Variants in EFCAB8 observed in about 807,000 individuals in gnomAD.
EFCAB8 encodes the protein EF-hand calcium binding domain 8.
In EFCAB8, 100 loss-of-function variants were observed where a neutral mutation model predicts 116.3. The ratio of observed to expected loss-of-function variants is 0.86; its 90% CI spans 0.73 to 1.02. The LOEUF (loss-of-function observed/expected upper bound fraction) is 1.02, where lower values mean the gene tolerates loss of function less well. Ranked by LOEUF, EFCAB8 falls within the 50% of genes least tolerant of loss-of-function variation. The probability of loss-of-function intolerance (pLI) is 0.00; values close to 1 mark genes in which losing one functional copy is unlikely to be tolerated. For synonymous variants in EFCAB8, 558 were observed against 567.9 expected (o/e 0.98, Z 0.25); for missense variants, 1,320 against 1,416.9 (o/e 0.93, Z 1.10).
chr20:32,900,359 T>TTTTTG (rs547316892), intron 11 of EFCAB8, among the ~76,000 whole-genome samples: 158 of 152,118 alleles, frequency 1.0e-3, no homozygotes, highest in Non-Finnish European at 1.9e-3. Context: ...CCAGTGCCTT[T>TTTTTG]TTTTGTTTTG....
intron 5 of EFCAB8, among the ~76,000 whole-genome samples, chr20:32,881,323 A>G (rs1298730716): frequency 6.6e-6 from 1 of 152,078 alleles, no homozygotes; most frequent in East Asian, 1.9e-4. Flanking sequence ...CAGCCTCCCA[A>G]GTAGCTGGGA....
chr20:32,863,448 C>G (rs1464458523), intron 1 of EFCAB8, among the ~76,000 whole-genome samples: 1 of 152,170 alleles, frequency 6.6e-6, no homozygotes, highest in Admixed American at 6.5e-5. Context: ...TAAGATTCTT[C>G]TACTTCTGTA....
intron 10 of EFCAB8, among the ~76,000 whole-genome samples, chr20:32,897,904 T>C (rs1441477185): frequency 6.6e-6 from 1 of 152,216 alleles, no homozygotes; most frequent in Non-Finnish European, 1.5e-5. Flanking sequence ...CCTTTTCCAT[T>C]CTCGTCACAG....
chr20:32,909,515 G>A (rs888307222), intron 14 of EFCAB8, among the ~76,000 whole-genome samples: 2 of 152,220 alleles, frequency 1.3e-5, no homozygotes, highest in African/African-American at 4.8e-5. Context: ...AGGGCTTCCC[G>A]GAGGGAACAC....
At chr20:32,919,692 T>C (rs1241393415) in intron 19 of EFCAB8, among the ~76,000 whole-genome samples, 1 of 151,812 alleles carries the variant, frequency 6.6e-6, no homozygotes, top group Non-Finnish European at 1.5e-5. Context: ...GGAGACGGGG[T>C]TTCACCATGT....
intron 3 of EFCAB8, among the ~76,000 whole-genome samples, chr20:32,869,254 T>G (rs1389714657): frequency 6.6e-6 from 1 of 152,044 alleles, no homozygotes; most frequent in Non-Finnish European, 1.5e-5. Flanking sequence ...TTTTTTTTTT[T>G]GAGACGGAGT....
At chr20:32,908,457 A>C in intron 14 of EFCAB8, 45 bp downstream of exon 14, 1 of 1,249,262 alleles carries the variant, frequency 8.0e-7, no homozygotes, top group Non-Finnish European at 1.0e-6. Flanking sequence ...CCGCAGGTGG[A>C]GGGCCAGGGT....
chr20:32,902,782 C>T (rs754933633), intron 11 of EFCAB8, among the ~76,000 whole-genome samples: 2 of 152,214 alleles, frequency 1.3e-5, no homozygotes, highest in Non-Finnish European at 2.9e-5. Flanking sequence ...TCAGCCTCAG[C>T]CTCCAAGGCA....
intron 23 of EFCAB8, among the ~76,000 whole-genome samples, chr20:32,944,386 AC>A (rs1197223947): frequency 1.3e-5 from 2 of 151,996 alleles, no homozygotes; most frequent in Non-Finnish European, 2.9e-5. Flanking sequence ...AATCGTTTGA[AC>A]CTGGGAGGCA....
chr20:32,899,510 G>A (rs999450084), intron 11 of EFCAB8, among the ~76,000 whole-genome samples: 1 of 152,106 alleles, frequency 6.6e-6, no homozygotes, highest in South Asian at 2.1e-4. Flanking sequence ...AGTCCTGAGG[G>A]GCCCCCTCCT....
intron 20 of EFCAB8, among the ~76,000 whole-genome samples, chr20:32,923,011 T>C (rs1987522431): frequency 6.6e-6 from 1 of 151,922 alleles, no homozygotes; most frequent in Non-Finnish European, 1.5e-5. Context: ...TGATGAGACC[T>C]CATCTCTACA....
intron 22 of EFCAB8, among the ~76,000 whole-genome samples, chr20:32,939,526 G>A (rs191971832): frequency 4.1e-5 from 6 of 147,322 alleles, no homozygotes; most frequent in African/African-American, 1.3e-4. Context: ...TTTGTGGTCC[G>A]CCTGCCTTGG....
At chr20:32,940,471 A>G (rs890613671) in intron 22 of EFCAB8, among the ~76,000 whole-genome samples, 2 of 149,920 alleles carry the variant, frequency 1.3e-5, no homozygotes, top group Non-Finnish European at 3.0e-5. Context: ...AGCCAAAATT[A>G]TAAGACTTTT....
chr20:32,950,151 G>A (rs1423422015), intron 23 of EFCAB8, among the ~76,000 whole-genome samples: 5 of 152,224 alleles, frequency 3.3e-5, no homozygotes, highest in Non-Finnish European at 5.9e-5. Flanking sequence ...ATGCAACACC[G>A]ATAGAGCATG....
At position 32,872,965 on chromosome 20, in the gene EFCAB8, G is replaced by T. The variant is rs4327299; in HGVS notation, c.209-2961G>T. Among the ~76,000 whole-genome samples the T allele has an allele frequency of 7.6e-3, 1,149 of 151,576 alleles. 20 individuals carry two copies. Among genetic ancestry groups the T allele is most frequent in the African/African-American group, 0.024 (998 of 41,194 alleles). On this transcript the variant is annotated intron_variant, in intron 3 of 26. Coordinates refer to ENST00000400522, the MANE Select transcript of EFCAB8 (RefSeq NM_001143967.2). ...AAATTAGCCGAGTGTGATGGTGGGC[G>T]CCTGTAATCCCAGCTACTTGGGAGG...
At chr20:32,907,839 C>T (rs531727254) in intron 13 of EFCAB8, among the ~76,000 whole-genome samples, 2 of 152,152 alleles carry the variant, frequency 1.3e-5, no homozygotes, top group African/African-American at 2.4e-5. Flanking sequence ...AGGGAAAGTT[C>T]CTCCACCTGG....
chr20:32,905,974 C>T (rs1986655908), intron 11 of EFCAB8, among the ~76,000 whole-genome samples: 1 of 151,960 alleles, frequency 6.6e-6, no homozygotes, highest in Admixed American at 6.6e-5. Context: ...ACCTGTGTGA[C>T]CTTGGGGAAG....
intron 3 of EFCAB8, among the ~76,000 whole-genome samples, chr20:32,869,792 C>A (rs1984599772): frequency 6.6e-6 from 1 of 152,164 alleles, no homozygotes; most frequent in South Asian, 2.1e-4. Context: ...CTACTTTTCA[C>A]TTAATGCTAA....
intron 15 of EFCAB8, among the ~76,000 whole-genome samples, chr20:32,910,397 GT>G (rs1345845209): frequency 2.0e-5 from 3 of 152,230 alleles, no homozygotes; most frequent in Non-Finnish European, 2.9e-5. Flanking sequence ...GAGTCTCTGG[GT>G]TGGGCAGGGC....
Sources: gnomAD v4.1 joint callset for allele counts (sites outside exome capture counted in the v4.1 genomes callset) on GRCh38, gnomAD v4.1.1 for gene constraint, MANE v1.5 for transcripts, NCBI Gene and HGNC (gene_info 2026-07-23, HGNC 2026-07-21) for gene names.